Variants in TBC1D22B observed in about 807,000 individuals in gnomAD.
The protein encoded by TBC1D22B is chromosome 6 open reading frame 197.
Under a neutral mutation model 69.1 loss-of-function variants are expected in TBC1D22B, and 32 were observed. The ratio of observed to expected loss-of-function variants is 0.46; its 90% CI spans 0.35 to 0.62. TBC1D22B has a LOEUF of 0.62. Among genes scored for constraint, TBC1D22B ranks in the 20% least tolerant of loss-of-function variants. The pLI is 0.00. For missense variants in TBC1D22B, 462 were observed against 630.9 expected (o/e 0.73, Z 2.87); for synonymous variants, 206 against 229.8 (o/e 0.90, Z 0.94).
At chr6:37,258,554 G>T (rs1027816957) in intron 1 of TBC1D22B, among the ~76,000 whole-genome samples, 54 of 152,324 alleles carry the variant, frequency 3.5e-4, no homozygotes, top group African/African-American at 1.3e-3. Flanking sequence ...CAGAATCAGG[G>T]TTATTCCTTT....
chr6:37,332,288 T>C lies in TBC1D22B; in HGVS notation c.*1116T>C, dbSNP rs1037524330. The C allele has an allele frequency of 2.0e-5, 3 of 152,522 alleles. No individual in the cohort carries two copies. The highest frequency in any genetic ancestry group is 2.9e-5 in the Non-Finnish European group (2 of 68,038). The allele number at this position is 152,522 out of a possible 1,614,324, so 9.4% of individuals were successfully genotyped here. A position where few individuals can be genotyped will look rare whatever the true frequency, so the allele number is the denominator to read the frequency against. On this transcript the variant is annotated 3_prime_UTR_variant, in exon 13 of 13. Transcript: ENST00000373491. ...ACCCCGCCCCCCAACCCCCAGACTT[T>C]CCTGGAGCATCTGCCCTTTGCTCCT...
intron 1 of TBC1D22B, among the ~76,000 whole-genome samples, chr6:37,266,548 G>A (rs1478704497): frequency 2.0e-5 from 3 of 148,464 alleles, no homozygotes; most frequent in Admixed American, 6.8e-5. Context: ...TGCAACCTCC[G>A]CCTCCCCAGC....
At position 37,279,619 on chromosome 6, in the gene TBC1D22B, C is replaced by A. The variant is rs780710906; in HGVS notation, c.421+8C>A. On this transcript the variant is annotated splice_region_variant and intron_variant, in intron 3 of 12. Transcript: ENST00000373491. ...AGCTGTCCAGAAACTCTAGTAAGTC[C>A]TTCCTGCTCCCTTCATAGCCTCAGC... 6.3e-7 allele frequency: 1 copy of A among 1,596,950 alleles called. No homozygotes were observed. The highest frequency in any genetic ancestry group is 2.2e-5 in the East Asian group (1 of 44,672).
intron 10 of TBC1D22B, among the ~76,000 whole-genome samples, chr6:37,316,032 A>G (rs1230098571): frequency 6.6e-6 from 1 of 152,212 alleles, no homozygotes; most frequent in Non-Finnish European, 1.5e-5. Context: ...TAGGAAACTG[A>G]GGACAGTAAT....
At chr6:37,318,154 A>G (rs536377194) in intron 12 of TBC1D22B, among the ~76,000 whole-genome samples, 7 of 152,332 alleles carry the variant, frequency 4.6e-5, no homozygotes, top group African/African-American at 1.7e-4. Context: ...ACCACCCAGG[A>G]TGCTACTGTA....
intron 8 of TBC1D22B, among the ~76,000 whole-genome samples, chr6:37,300,957 G>A (rs1268023017): frequency 6.6e-6 from 1 of 151,962 alleles, no homozygotes; most frequent in Non-Finnish European, 1.5e-5. Context: ...CCCTCTGAAC[G>A]TCAACCCTCT....
chr6:37,323,355 C>T (rs1044910800), intron 12 of TBC1D22B, among the ~76,000 whole-genome samples: 1 of 152,096 alleles, frequency 6.6e-6, no homozygotes, highest in African/African-American at 2.4e-5. Context: ...TAGGGAGACC[C>T]TGTCTCTAAA....
At chr6:37,310,280 A>C (rs1767864149) in intron 8 of TBC1D22B, among the ~76,000 whole-genome samples, 1 of 151,180 alleles carries the variant, frequency 6.6e-6, no homozygotes, top group Non-Finnish European at 1.5e-5. Context: ...TTAGGATACA[A>C]TAAAAGAATA....
Position 37,317,134 on chromosome 6 carries a change from C to G in TBC1D22B, c.1317C>G (p.His439Gln). 6.3e-7 allele frequency: 1 copy of G among 1,575,046 alleles called. No individual in the cohort carries two copies. Among genetic ancestry groups the G allele is most frequent in the Non-Finnish European group, 8.6e-7 (1 of 1,157,934 alleles). Reference protein sequence around the residue: ...TYQSEPEGFSHFHLYVCAAFL... With the variant: ...TYQSEPEGFSQFHLYVCAAFL... ...AGTCTGAACCAGAAGGGTTCTCCCACTTTCATCTCTACGTGTGTGCAGCCT... is the reference window on the plus strand; with the variant it reads ...AGTCTGAACCAGAAGGGTTCTCCCAGTTTCATCTCTACGTGTGTGCAGCCT... The change falls in exon 12 of 13, where the codon CAC becomes CAG. Residue 439 changes from histidine to glutamine, a missense_variant. His to Gln is a conservative substitution (Grantham distance 24). Around this residue, in one of 2 missense-constraint regions of TBC1D22B, gnomAD observed 225 missense variants for 375.4 expected, o/e 0.60. Coordinates refer to ENST00000373491, the MANE Select transcript of TBC1D22B (RefSeq NM_017772.4).
At chr6:37,284,119 A>G (rs1335883502) in intron 5 of TBC1D22B, among the ~76,000 whole-genome samples, 1 of 152,222 alleles carries the variant, frequency 6.6e-6, no homozygotes. Flanking sequence ...CCAAGGGAGT[A>G]AATAATCCTG....
At chr6:37,262,863 G>A (rs1390736338) in intron 1 of TBC1D22B, among the ~76,000 whole-genome samples, 1 of 152,178 alleles carries the variant, frequency 6.6e-6, no homozygotes, top group Non-Finnish European at 1.5e-5. Flanking sequence ...CTACCAAGAT[G>A]TTTGCACTGT....
chr6:37,264,020 T>A (rs1766191013), intron 1 of TBC1D22B, among the ~76,000 whole-genome samples: 1 of 143,754 alleles, frequency 7.0e-6, no homozygotes, highest in East Asian at 2.1e-4. Context: ...CTTTTTCACT[T>A]GTGTTAGAGC....
At chr6:37,318,686 C>T (rs576293190) in intron 12 of TBC1D22B, among the ~76,000 whole-genome samples, 5 of 152,186 alleles carry the variant, frequency 3.3e-5, no homozygotes, top group East Asian at 3.9e-4. Flanking sequence ...AAGAGTACAG[C>T]CTCCTGGAAC....
intron 1 of TBC1D22B, among the ~76,000 whole-genome samples, chr6:37,267,882 A>G (rs1766358038): frequency 1.3e-5 from 2 of 152,218 alleles, no homozygotes; most frequent in African/African-American, 4.8e-5. Context: ...TGCTTTAAAT[A>G]TCTTCTGAGC....
chr6:37,329,615 A>G (rs1478809604), intron 12 of TBC1D22B, among the ~76,000 whole-genome samples: 2 of 152,252 alleles, frequency 1.3e-5, no homozygotes, highest in Non-Finnish European at 2.9e-5. Flanking sequence ...TCAAAATAAC[A>G]GTGGCTTAAA....
At chr6:37,262,296 G>A (rs1326824177) in intron 1 of TBC1D22B, among the ~76,000 whole-genome samples, 1 of 151,976 alleles carries the variant, frequency 6.6e-6, no homozygotes, top group Non-Finnish European at 1.5e-5. Flanking sequence ...GCCCACCTCA[G>A]CCTCCCAAAG....
At chr6:37,300,520 C>T (rs1244149163) in intron 8 of TBC1D22B, among the ~76,000 whole-genome samples, 2 of 152,092 alleles carry the variant, frequency 1.3e-5, no homozygotes, top group African/African-American at 2.4e-5. Flanking sequence ...GCCACTATGC[C>T]TGGCTAATTT....
chr6:37,293,202 C>T (rs1277683865), intron 8 of TBC1D22B, among the ~76,000 whole-genome samples: 7 of 151,744 alleles, frequency 4.6e-5, no homozygotes, highest in Admixed American at 2.0e-4. Flanking sequence ...CTCAGCCTCC[C>T]GAGTAGCTGG....
chr6:37,327,930 T>A (rs970906834), intron 12 of TBC1D22B, among the ~76,000 whole-genome samples: 7 of 152,056 alleles, frequency 4.6e-5, no homozygotes, highest in Non-Finnish European at 1.0e-4. Flanking sequence ...GTTTTTTTTT[T>A]AAATGAGAAT....
Sources: gnomAD v4.1 joint callset for allele counts (sites outside exome capture counted in the v4.1 genomes callset) on GRCh38, gnomAD v4.1.1 for gene constraint, gnomAD v4.1.1 regional missense constraint, MANE v1.5 for transcripts, NCBI Gene and HGNC (gene_info 2026-07-23, HGNC 2026-07-21) for gene names.